The following USP25 variants were observed in gnomAD, a reference collection of about 807,000 sequenced individuals.
USP25 encodes ubiquitin carboxyl-terminal hydrolase 25.
A neutral mutation model predicts 158.5 loss-of-function variants in USP25; 85 were observed. That is an observed-to-expected ratio of 0.54 (90% CI 0.45 to 0.64). The LOEUF (loss-of-function observed/expected upper bound fraction) is 0.64. USP25 is among the 30% of genes least tolerant of loss of function. The pLI, the probability that USP25 is intolerant of heterozygous loss-of-function variation, is 0.00. For missense variants in USP25, 1,242 were observed against 1,327.3 expected (o/e 0.94, Z 1.00); for synonymous variants, 464 against 460.4 (o/e 1.01, Z -0.10).
intron 1 of USP25, among the ~76,000 whole-genome samples, chr21:15,750,613 C>CT (rs369555741): frequency 5.9e-4 from 87 of 146,740 alleles, no homozygotes; most frequent in South Asian, 1.5e-3. Context: ...TCCCCTAATT[C>CT]TTTTTTTTTT....
Position 15,736,355 on chromosome 21 carries a change from C to T in USP25, c.45+5917C>T, listed in dbSNP as rs931741198. ...CCGAGTGATCAGCCTGCCTTGGGCT[C>T]CCGAAGTACTGGGCAGTTTCTCTTT... On this transcript the variant is annotated intron_variant, in intron 1 of 25. Coordinates refer to ENST00000400183, the MANE Select transcript of USP25 (RefSeq NM_001283041.3). Among the ~76,000 whole-genome samples the T allele has an allele frequency of 2.0e-5, 3 of 152,098 alleles. No individual in the cohort carries two copies. The South Asian group carries it at 6.2e-4, about 31-fold the overall frequency.
intron 1 of USP25, among the ~76,000 whole-genome samples, chr21:15,744,676 C>T (rs1032037073): frequency 2.6e-5 from 4 of 152,222 alleles, no homozygotes; most frequent in African/African-American, 9.6e-5. Flanking sequence ...GCAGCCCCCA[C>T]CTCCCAGGTT....
At position 15,866,833 on chromosome 21, in the gene USP25, A is replaced by G. The variant is rs189789994; in HGVS notation, c.2805+489A>G. 3.7e-4 allele frequency among the ~76,000 whole-genome samples: 57 copies of G among 152,278 alleles called. No individual in the cohort carries two copies. In the East Asian group the frequency reaches 0.011, roughly 29 times the overall value. On this transcript the variant is annotated intron_variant, in intron 22 of 25. Transcript: ENST00000400183. ...ATTCCCATTTGACACACGAGAAAAT[A>G]AGGCATAGAGCAGTGAAGTAACCTG... is the stretch of plus-strand genomic sequence containing the variant.
chr21:15,753,645 A>G (rs1425353149), intron 1 of USP25, among the ~76,000 whole-genome samples: 1 of 152,136 alleles, frequency 6.6e-6, no homozygotes, highest in Admixed American at 6.5e-5. Context: ...TAGAAGAATT[A>G]GAAAATGTGC....
rs2036962418 is a variant in USP25, at chr21:15,816,849, C to G, written c.932-1849C>G. ...AGTGGTGCCATTTTCAGTCCATAAT[C>G]TGCCAGGCATGATGGTTCATGCCTG... On this transcript the variant is annotated intron_variant, in intron 9 of 25. Coordinates refer to ENST00000400183, the MANE Select transcript of USP25 (RefSeq NM_001283041.3). This position sits in a 1 kb window ranked among gnomAD's most constrained non-coding sequence, Gnocchi z 4.0. Among the ~76,000 whole-genome samples, 2 of 152,046 alleles carry G rather than the reference C, an allele frequency of 1.3e-5. No homozygotes were observed. The highest frequency in any genetic ancestry group is 4.8e-5 in the African/African-American group (2 of 41,396).
chr21:15,788,121 G>A (rs1015093158), intron 4 of USP25, among the ~76,000 whole-genome samples: 4 of 151,688 alleles, frequency 2.6e-5, no homozygotes, highest in African/African-American at 4.8e-5. Context: ...TGTGGCTTGC[G>A]AGTTTACCCT....
rs182099788 is a variant in USP25 at position 15,750,692 on chromosome 21, C to T, written c.46-12199C>T. ...CGTGATCACGGCTCACTGCAAGCTCCGCCTCCCAGGTTCACACCATTCTCC... is the reference window on the plus strand; with the variant it reads ...CGTGATCACGGCTCACTGCAAGCTCTGCCTCCCAGGTTCACACCATTCTCC... On this transcript the variant is annotated intron_variant, in intron 1 of 25. Transcript: ENST00000400183. 1.4e-3 allele frequency among the ~76,000 whole-genome samples: 208 copies of T among 151,978 alleles called. 1 individual carries two copies. The highest frequency in any genetic ancestry group is 4.2e-3 in the African/African-American group (173 of 41,450).
At chr21:15,860,965 T>TAGAGAGAG (rs1169243685) in intron 20 of USP25, among the ~76,000 whole-genome samples, 17 of 141,868 alleles carry the variant, frequency 1.2e-4, no homozygotes, top group African/African-American at 3.8e-4. Context: ...TATATATATA[T>TAGAGAGAG]ATATATATAT....
intron 20 of USP25, among the ~76,000 whole-genome samples, chr21:15,859,218 G>C (rs1392438740): frequency 2.0e-5 from 3 of 149,396 alleles, no homozygotes; most frequent in East Asian, 1.9e-4. Context: ...TTTGAGACGG[G>C]GTCTCGCTCT....
chr21:15,731,149 A>G (rs2030847571), intron 1 of USP25, among the ~76,000 whole-genome samples: 1 of 152,030 alleles, frequency 6.6e-6, no homozygotes, highest in Non-Finnish European at 1.5e-5. Flanking sequence ...TAAAGAAAAC[A>G]ATTAAAAAAC....
intron 8 of USP25, 132 bp downstream of exon 8, chr21:15,809,017 T>C (rs2146285774): frequency 3.1e-6 from 2 of 640,182 alleles, no homozygotes; most frequent in Non-Finnish European, 4.8e-6. Context: ...ATTGACAAGC[T>C]GTTTAGAATT....
Position 15,827,168 on chromosome 21 carries a change from A to G in USP25, c.1658A>G (p.His553Arg). 1.9e-6 allele frequency: 3 copies of G among 1,614,222 alleles called. No homozygotes were observed. The highest frequency in any genetic ancestry group is 1.3e-5 in the African/African-American group (1 of 75,076). ...EELSVLESCLHRWRTEIENDT... is the reference protein window; with the variant it reads ...EELSVLESCLRRWRTEIENDT... ...CTTTCTGTGCTGGAAAGTTGTTTAC[A>G]TCGCTGGAGGACAGAAATAGAAAAT... The change falls in exon 14 of 26, where the codon CAT becomes CGT. Residue 553 changes from histidine (H) to arginine (R), a missense_variant. Physicochemically the swap from His to Arg is conservative, Grantham distance 29 (BLOSUM62 0). Around this residue, in one of 3 missense-constraint regions of USP25, gnomAD observed 627 missense variants for 701.4 expected, o/e 0.89. Coordinates refer to ENST00000400183, the MANE Select transcript of USP25 (RefSeq NM_001283041.3).
chr21:15,872,248 C>G (rs1315893586), intron 23 of USP25, among the ~76,000 whole-genome samples: 2 of 151,956 alleles, frequency 1.3e-5, no homozygotes, highest in Admixed American at 6.6e-5. Flanking sequence ...GCTACATGAT[C>G]TTATTTTATC....
At chr21:15,835,967 A>T (rs2038045732) in intron 17 of USP25, among the ~76,000 whole-genome samples, 1 of 152,206 alleles carries the variant, frequency 6.6e-6, no homozygotes, top group Non-Finnish European at 1.5e-5. Flanking sequence ...AGAACCATTT[A>T]TTCCCTATTA....
rs771025899 is a variant in USP25 at position 15,826,961 on chromosome 21, CTA to C, written c.1467-14_1467-13del. The C allele has an allele frequency of 6.2e-7, 1 of 1,611,094 alleles. No individual in the cohort carries two copies. Among genetic ancestry groups the C allele is most frequent in the South Asian group, 1.1e-5 (1 of 91,058 alleles). ...GCTTGAAAGGTTAATAAGAAATACT[CTA>C]TGCTTTGATACAGCACAACAGAACA... is the stretch of plus-strand genomic sequence containing the variant. On this transcript the variant is annotated splice_polypyrimidine_tract_variant and intron_variant, in intron 13 of 25. Transcript: ENST00000400183. This position sits in a 1 kb window ranked among gnomAD's most constrained non-coding sequence, Gnocchi z 4.8.
intron 18 of USP25, among the ~76,000 whole-genome samples, chr21:15,845,703 G>A (rs1020385559): frequency 2.6e-5 from 4 of 151,972 alleles, no homozygotes; most frequent in African/African-American, 9.7e-5. Context: ...AATTGTTTTG[G>A]ATTGGTTTGC....
At chr21:15,868,135 C>A (rs2039735963) in intron 22 of USP25, among the ~76,000 whole-genome samples, 1 of 152,086 alleles carries the variant, frequency 6.6e-6, no homozygotes, top group Non-Finnish European at 1.5e-5. Flanking sequence ...CTTCTTTATT[C>A]CATATGCAAA....
Position 15,879,842 on chromosome 21 carries a change from AC to A in USP25, c.*1368del, listed in dbSNP as rs916731569. On this transcript the variant is annotated 3_prime_UTR_variant, in exon 26 of 26. Transcript: ENST00000400183. ...ATGCTGTTTGTAAAGGTATTAATGT[AC>A]TAGTAAGGTGTTAATGACAAGGAAT... is the stretch of plus-strand genomic sequence containing the variant. 1.3e-4 allele frequency: 20 copies of A among 152,532 alleles called. No homozygotes were observed. Among genetic ancestry groups the A allele is most frequent in the African/African-American group, 4.3e-4 (18 of 41,452 alleles). The allele number at this position is 152,532 out of a possible 1,614,324, so 9.4% of individuals were successfully genotyped here.
intron 18 of USP25, among the ~76,000 whole-genome samples, chr21:15,847,300 A>T (rs756306135): frequency 1.3e-5 from 2 of 152,188 alleles, no homozygotes; most frequent in Non-Finnish European, 2.9e-5. Flanking sequence ...ACTATTTTTT[A>T]TCTTAAGTAC....
Sources: allele counts gnomAD v4.1 joint callset (sites outside exome capture counted in the v4.1 genomes callset), GRCh38; gene constraint gnomAD v4.1.1; regional missense constraint gnomAD v4.1.1; non-coding constraint Gnocchi (gnomAD v3.1); transcripts MANE v1.5; gene names NCBI Gene and HGNC (gene_info 2026-07-23, HGNC 2026-07-21).